The following FILIP1 variants were observed in gnomAD, a reference collection of about 807,000 sequenced individuals.
FILIP1 encodes the protein filamin-A-interacting protein 1.
In FILIP1, 61 loss-of-function variants were observed where a neutral mutation model predicts 102.1. That is an observed-to-expected ratio of 0.60 (90% CI 0.49 to 0.74). The LOEUF (loss-of-function observed/expected upper bound fraction) is 0.74. Ranked by LOEUF, FILIP1 falls within the 30% of genes least tolerant of loss-of-function variation. FILIP1 has a pLI of 0.00. For missense variants in FILIP1, 1,314 were observed against 1,441.2 expected (o/e 0.91, Z 1.43); for synonymous variants, 491 against 526.9 (o/e 0.93, Z 0.93).
intron 1 of FILIP1, among the ~76,000 whole-genome samples, chr6:75,420,012 G>A (rs1050976845): frequency 6.6e-6 from 1 of 151,922 alleles, no homozygotes; most frequent in South Asian, 2.1e-4. Flanking sequence ...AATAACTAAG[G>A]TTTTTACTTA....
At chr6:75,361,346 AC>A (rs1382509214) in intron 3 of FILIP1, among the ~76,000 whole-genome samples, 1 of 152,114 alleles carries the variant, frequency 6.6e-6, no homozygotes, top group African/African-American at 2.4e-5. Context: ...CTGCAGACGC[AC>A]CTCTCCCTTG....
chr6:75,319,883 G>T, intron 4 of FILIP1: 1 of 462,266 alleles, frequency 2.2e-6, no homozygotes, highest in Non-Finnish European at 3.9e-6. Context: ...TGAAGCACCT[G>T]GGTGCTTCTT....
chr6:75,462,576 A>ATG (rs1234376223), intron 1 of FILIP1, among the ~76,000 whole-genome samples: 1 of 152,088 alleles, frequency 6.6e-6, no homozygotes, highest in African/African-American at 2.4e-5. Context: ...AATCTCATAT[A>ATG]TGTGTGTGTA....
At chr6:75,491,035 T>C (rs1204951797) in intron 1 of FILIP1, among the ~76,000 whole-genome samples, 1 of 152,062 alleles carries the variant, frequency 6.6e-6, no homozygotes, top group Non-Finnish European at 1.5e-5. Context: ...TTGTTCTGAA[T>C]ATAAAGAGGC....
intron 2 of FILIP1, among the ~76,000 whole-genome samples, chr6:75,388,293 A>G (rs150610915): frequency 1.3e-5 from 2 of 152,218 alleles, no homozygotes; most frequent in Non-Finnish European, 2.9e-5. Flanking sequence ...GGCTTATAGT[A>G]TAGTTTGAAG....
intron 4 of FILIP1, among the ~76,000 whole-genome samples, chr6:75,326,082 ATAGATAGATAGAT>A (rs889289603): frequency 7.1e-6 from 1 of 140,316 alleles, no homozygotes; most frequent in African/African-American, 2.9e-5. Flanking sequence ...AGATAGATAG[ATAGATAGATAGAT>A]TAGATAGATA....
At chr6:75,344,633 T>C (rs1207695666) in intron 4 of FILIP1, among the ~76,000 whole-genome samples, 1 of 152,232 alleles carries the variant, frequency 6.6e-6, no homozygotes. Flanking sequence ...GCACTTGCAC[T>C]GGAGACCTCT....
chr6:75,471,589 A>G (rs1779332108), intron 1 of FILIP1, among the ~76,000 whole-genome samples: 1 of 152,204 alleles, frequency 6.6e-6, no homozygotes, highest in Non-Finnish European at 1.5e-5. Flanking sequence ...GAGTCAACTA[A>G]CTGTTGGAGT....
chr6:75,487,982 A>G (rs932482150), intron 1 of FILIP1, among the ~76,000 whole-genome samples: 11 of 152,080 alleles, frequency 7.2e-5, no homozygotes, highest in Non-Finnish European at 1.6e-4. Flanking sequence ...CTTAAACCTT[A>G]AGGGCTCAAT....
exon 7 of FILIP1, chr6:75,295,494 T>G: frequency 6.5e-6 from 1 of 153,312 alleles, no homozygotes; most frequent in South Asian, 2.1e-4. Flanking sequence ...AGAAAATAAT[T>G]ATAGATTACC....
chr6:75,451,784 A>T lies in FILIP1; in HGVS notation c.-6-36806T>A, dbSNP rs544180967. On this transcript the variant is annotated intron_variant, in intron 1 of 5. Transcript: ENST00000237172. ...AGGAAGCGGAGATTCCAGTGAGCCG[A>T]GATTGAGCCATTGCACTCCAGCCTG... Among the ~76,000 whole-genome samples the T allele has an allele frequency of 4.5e-4, 68 of 152,284 alleles. 2 individuals are homozygous for T. The highest frequency in any genetic ancestry group is 3.4e-3 in the Middle Eastern group (1 of 294).
chr6:75,295,737 C>G, exon 7 of FILIP1: 1 of 404,918 alleles, frequency 2.5e-6, no homozygotes, highest in Non-Finnish European at 4.3e-6. Flanking sequence ...ATATTATCAG[C>G]AAGGCCATTT....
At position 75,414,648 on chromosome 6, in the gene FILIP1, T is replaced by C. The variant is rs751063578; in HGVS notation, c.276+49A>G. The C allele has an allele frequency of 3.9e-6, 6 of 1,534,724 alleles. No individual in the cohort carries two copies. The African/African-American group carries it at 8.3e-5, about 21-fold the overall frequency. On this transcript the variant is annotated intron_variant, in intron 2 of 5. Coordinates refer to ENST00000237172, the MANE Select transcript of FILIP1 (RefSeq NM_015687.5). The stretch of plus-strand genomic sequence containing the variant: ...AACAGATTTACATTCTCTTATTTTA[T>C]AGCTTAGAAACCAAAGACACAATAA...
At chr6:75,470,899 G>A (rs759755083) in intron 1 of FILIP1, among the ~76,000 whole-genome samples, 3 of 152,042 alleles carry the variant, frequency 2.0e-5, no homozygotes, top group African/African-American at 4.8e-5. Flanking sequence ...GGTGGCTCAC[G>A]TCTGTAATCT....
chr6:75,314,166 T>A lies in FILIP1; in HGVS notation c.1666A>T (p.Lys556Ter). 6.5e-7 allele frequency: 1 copy of A among 1,541,748 alleles called. No homozygotes were observed. The highest frequency in any genetic ancestry group is 8.7e-7 in the Non-Finnish European group (1 of 1,155,922). ...TTTTCCTCCATTTCAGATTTTAGTT[T>A]TAAAAGTTTCTTACTTTCTTCAATT... ...KLIEESKKLL[K>*]LKSEMEEKVY... Residue 556 changes from lysine (K) to a stop codon, truncating the protein, a stop_gained, in exon 5 of 6, where the codon AAA (lysine) becomes TAA (stop). Transcript: ENST00000237172. LOFTEE classifies it high-confidence loss of function.
intron 2 of FILIP1, among the ~76,000 whole-genome samples, chr6:75,387,781 AGTCCTTC>A (rs1164680936): frequency 6.6e-6 from 1 of 152,184 alleles, no homozygotes; most frequent in Non-Finnish European, 1.5e-5. Flanking sequence ...TCTGGATATT[AGTCCTTC>A]GTGAGATGGA....
intron 4 of FILIP1, among the ~76,000 whole-genome samples, chr6:75,333,720 T>C (rs1253568360): frequency 6.6e-6 from 1 of 152,220 alleles, no homozygotes; most frequent in Non-Finnish European, 1.5e-5. Context: ...TTTGGCCAAA[T>C]GAAGTTCTTT....
chr6:75,488,199 G>T (rs1779849114), intron 1 of FILIP1, among the ~76,000 whole-genome samples: 2 of 152,064 alleles, frequency 1.3e-5, no homozygotes, highest in Non-Finnish European at 2.9e-5. Context: ...AGCAGCAGGG[G>T]GATGCTGGTT....
intron 1 of FILIP1, among the ~76,000 whole-genome samples, chr6:75,487,201 C>T (rs1392156638): frequency 6.6e-6 from 1 of 152,104 alleles, no homozygotes; most frequent in African/African-American, 2.4e-5. Flanking sequence ...TTGAATACCT[C>T]CAGTGTCACA....
Sources: allele counts gnomAD v4.1 joint callset (sites outside exome capture counted in the v4.1 genomes callset), GRCh38; gene constraint gnomAD v4.1.1; transcripts MANE v1.5; gene names NCBI Gene and HGNC (gene_info 2026-07-23, HGNC 2026-07-21).